The following SLCO6A1 variants were observed in gnomAD, a reference collection of about 807,000 sequenced individuals.
SLCO6A1 encodes the protein cancer/testis antigen 48.
SLCO6A1 carries 65 observed loss-of-function variants against 72.7 expected under a neutral mutation model. The ratio of observed to expected loss-of-function variants is 0.89; its 90% CI spans 0.73 to 1.10. SLCO6A1 has a LOEUF of 1.10. Ranked by LOEUF, SLCO6A1 falls within the 50% of genes least tolerant of loss-of-function variation. The probability of loss-of-function intolerance (pLI) is 0.00; values close to 1 mark genes in which losing one functional copy is unlikely to be tolerated. For synonymous variants in SLCO6A1, 314 were observed against 298.2 expected, an observed-to-expected ratio of 1.05 and a Z score of -0.55; for missense variants, 874 against 872.6, an observed-to-expected ratio of 1.00 and a Z score of -0.02.
chr5:102,386,857 T>C (rs898948452), intron 12 of SLCO6A1, among the ~76,000 whole-genome samples: 32 of 152,216 alleles, frequency 2.1e-4, no homozygotes, highest in African/African-American at 7.7e-4. Context: ...TTCGAGTCAA[T>C]GGCAATCAGG....
intron 4 of SLCO6A1, 112 bp from the exon 5 acceptor site, chr5:102,459,889 G>A: frequency 1.1e-6 from 1 of 902,372 alleles, no homozygotes; most frequent in Non-Finnish European, 1.6e-6. Flanking sequence ...GTTGGAGAGT[G>A]AGACAGAAAT....
intron 7 of SLCO6A1, among the ~76,000 whole-genome samples, chr5:102,428,035 C>A (rs1421751669): frequency 6.6e-6 from 1 of 150,806 alleles, no homozygotes; most frequent in Non-Finnish European, 1.5e-5. Flanking sequence ...TACCACCATA[C>A]TAATTTTTGT....
chr5:102,378,083 C>A (rs950329903), intron 12 of SLCO6A1, among the ~76,000 whole-genome samples: 1 of 151,424 alleles, frequency 6.6e-6, no homozygotes, highest in African/African-American at 2.4e-5. Flanking sequence ...TATAAGTGTA[C>A]CAAATGGAAT....
At chr5:102,417,031 T>G (rs766941322) in intron 8 of SLCO6A1, among the ~76,000 whole-genome samples, 1 of 152,184 alleles carries the variant, frequency 6.6e-6, no homozygotes, top group Non-Finnish European at 1.5e-5. Context: ...TTGCTCTACA[T>G]GCAGTTAATA....
At chr5:102,420,316 A>G (rs181523832) in intron 7 of SLCO6A1, among the ~76,000 whole-genome samples, 2 of 152,256 alleles carry the variant, frequency 1.3e-5, no homozygotes, top group East Asian at 3.9e-4. Flanking sequence ...TCCATGCAAA[A>G]TGGAAGACGA....
chr5:102,374,856 A>G (rs1745693561), intron 12 of SLCO6A1, among the ~76,000 whole-genome samples: 1 of 152,228 alleles, frequency 6.6e-6, no homozygotes, highest in Non-Finnish European at 1.5e-5. Context: ...AAAGGGAATT[A>G]TTGCAGCAGG....
chr5:102,495,257 A>C (rs1166982840), intron 1 of SLCO6A1, among the ~76,000 whole-genome samples: 1 of 152,194 alleles, frequency 6.6e-6, no homozygotes, highest in Non-Finnish European at 1.5e-5. Flanking sequence ...AGTGACTGCA[A>C]AGGGGCATGA....
chr5:102,486,518 T>C (rs1394871881), intron 1 of SLCO6A1, among the ~76,000 whole-genome samples: 1 of 152,094 alleles, frequency 6.6e-6, no homozygotes, highest in East Asian at 1.9e-4. Flanking sequence ...ATAAATCAAC[T>C]GAGGTTAATT....
chr5:102,483,483 G>C (rs1752307694), intron 1 of SLCO6A1, among the ~76,000 whole-genome samples: 1 of 152,332 alleles, frequency 6.6e-6, no homozygotes, highest in Middle Eastern at 3.4e-3. Flanking sequence ...CATTTTGGAA[G>C]AGAGAGTGTT....
At chr5:102,383,095 A>ATGTATATATATATATATATATAT (rs1554064835) in intron 12 of SLCO6A1, among the ~76,000 whole-genome samples, 1 of 128,572 alleles carries the variant, frequency 7.8e-6, no homozygotes, top group Admixed American at 7.8e-5. Context: ...TATGTGTGTG[A>ATGTATATATATATATATATATAT]ATATATATAT....
intron 1 of SLCO6A1, among the ~76,000 whole-genome samples, chr5:102,489,715 A>G (rs1255745354): frequency 1.3e-5 from 2 of 152,246 alleles, no homozygotes; most frequent in African/African-American, 4.8e-5. Flanking sequence ...AAATAGAACT[A>G]CCAAATGATC....
chr5:102,483,935 G>GT (rs1474895019), intron 1 of SLCO6A1, among the ~76,000 whole-genome samples: 8 of 152,072 alleles, frequency 5.3e-5, no homozygotes, highest in African/African-American at 1.9e-4. Flanking sequence ...CCGCCTGTGA[G>GT]TAAGAGTTAG....
chr5:102,493,250 T>A (rs1209909171), intron 1 of SLCO6A1, among the ~76,000 whole-genome samples: 1 of 152,160 alleles, frequency 6.6e-6, no homozygotes. Context: ...CAAAAATTTT[T>A]AACAAAATTT....
At chr5:102,441,419 A>G (rs951308377) in intron 6 of SLCO6A1, among the ~76,000 whole-genome samples, 1 of 152,130 alleles carries the variant, frequency 6.6e-6, no homozygotes, top group African/African-American at 2.4e-5. Context: ...GTTCTCTTAC[A>G]TTGATCTATT....
intron 10 of SLCO6A1, among the ~76,000 whole-genome samples, chr5:102,393,319 C>T (rs1746872916): frequency 6.6e-6 from 1 of 152,118 alleles, no homozygotes; most frequent in African/African-American, 2.4e-5. Context: ...AATGGTCAGC[C>T]TGATCTAATC....
chr5:102,388,747 T>C lies in SLCO6A1; in HGVS notation c.1958A>G (p.His653Arg). 6.2e-7 allele frequency: 1 copy of C among 1,608,572 alleles called. No homozygotes were observed. The highest frequency in any genetic ancestry group is 1.7e-5 in the Admixed American group (1 of 58,774). ...CILRDVNKCG[H>R]TGRCWIYNKT... Reference sequence around the variant, plus strand: ...GTTATATATCCAACAACGTCCTGTGTGTCCACATTTATTAACATCCCGTAA... The same window carrying C: ...GTTATATATCCAACAACGTCCTGTGCGTCCACATTTATTAACATCCCGTAA... Residue 653 changes from histidine to arginine, a missense_variant, in exon 12 of 14, where the codon CAC becomes CGC. Coordinates refer to ENST00000506729, the MANE Select transcript of SLCO6A1 (RefSeq NM_173488.5).
intron 12 of SLCO6A1, among the ~76,000 whole-genome samples, chr5:102,375,228 T>C (rs1745714161): frequency 6.6e-6 from 1 of 152,122 alleles, no homozygotes; most frequent in Non-Finnish European, 1.5e-5. Context: ...ATATGTAGCC[T>C]AGTTGTGAAG....
intron 10 of SLCO6A1, among the ~76,000 whole-genome samples, chr5:102,398,403 C>T (rs1251635370): frequency 1.3e-5 from 2 of 152,088 alleles, no homozygotes; most frequent in Non-Finnish European, 2.9e-5. Flanking sequence ...GTCTCGAATT[C>T]CTGACCTCAA....
intron 1 of SLCO6A1, among the ~76,000 whole-genome samples, chr5:102,492,093 A>G (rs903986492): frequency 6.6e-6 from 1 of 151,778 alleles, no homozygotes; most frequent in Admixed American, 6.5e-5. Flanking sequence ...AGAACTCACT[A>G]TCACAAAACA....
Sources: allele counts gnomAD v4.1 joint callset (sites outside exome capture counted in the v4.1 genomes callset), GRCh38; gene constraint gnomAD v4.1.1; transcripts MANE v1.5; gene names NCBI Gene and HGNC (gene_info 2026-07-23, HGNC 2026-07-21).